Variants in TAFA2 observed in about 807,000 individuals in gnomAD.
TAFA2 encodes the protein chemokine-like protein TAFA-2.
A neutral mutation model predicts 18.8 loss-of-function variants in TAFA2; 7 were observed. The ratio of observed to expected loss-of-function variants is 0.37; its 90% CI spans 0.21 to 0.70. The LOEUF (loss-of-function observed/expected upper bound fraction) is 0.70. TAFA2 is among the 30% of genes least tolerant of loss of function. TAFA2 has a pLI of 0.53. For missense variants in TAFA2, 122 were observed against 158.1 expected, an observed-to-expected ratio of 0.77 and a Z score of 1.23; for synonymous variants, 60 against 54.2, an observed-to-expected ratio of 1.11 and a Z score of -0.47.
chr12:62,178,402 T>G (rs2062529327), intron 1 of TAFA2, among the ~76,000 whole-genome samples: 1 of 152,200 alleles, frequency 6.6e-6, no homozygotes, highest in Non-Finnish European at 1.5e-5. Flanking sequence ...TTAGAGTAGC[T>G]ATTATAGCAG....
chr12:61,987,623 T>C (rs142287594), intron 1 of TAFA2, among the ~76,000 whole-genome samples: 2 of 152,332 alleles, frequency 1.3e-5, no homozygotes, highest in African/African-American at 2.4e-5. Flanking sequence ...AGGTTAAAAA[T>C]TGTACTTCCG....
chr12:61,846,812 G>A (rs1291952152), intron 2 of TAFA2, among the ~76,000 whole-genome samples: 1 of 152,074 alleles, frequency 6.6e-6, no homozygotes, highest in South Asian at 2.1e-4. Context: ...AAAATACAAA[G>A]CGATTTCAAT....
intron 1 of TAFA2, among the ~76,000 whole-genome samples, chr12:62,163,592 G>C (rs1160197679): frequency 6.6e-6 from 1 of 152,052 alleles, no homozygotes; most frequent in Non-Finnish European, 1.5e-5. Context: ...TCATATTCAG[G>C]GAGGTGTCTT....
intron 4 of TAFA2, chr12:61,721,022 C>A (rs1042857674): frequency 8.7e-5 from 41 of 471,554 alleles, no homozygotes; most frequent in African/African-American, 5.7e-4. Flanking sequence ...CATAAAGGGA[C>A]AACAAGACAA....
chr12:61,991,413 T>C (rs973274854), intron 1 of TAFA2, among the ~76,000 whole-genome samples: 1 of 152,198 alleles, frequency 6.6e-6, no homozygotes, highest in African/African-American at 2.4e-5. Flanking sequence ...TATAAGCACA[T>C]ATGTAGGTTT....
intron 1 of TAFA2, among the ~76,000 whole-genome samples, chr12:62,059,367 G>A (rs1040794738): frequency 1.3e-5 from 2 of 151,954 alleles, no homozygotes; most frequent in Non-Finnish European, 2.9e-5. Context: ...TGCTGCTATG[G>A]AACGAGCATT....
chr12:61,739,431 A>G (rs1680319927), intron 4 of TAFA2, among the ~76,000 whole-genome samples: 1 of 152,110 alleles, frequency 6.6e-6, no homozygotes, highest in African/African-American at 2.4e-5. Flanking sequence ...ACAGTACTAC[A>G]GAAAATAATT....
chr12:61,876,845 T>C (rs982920939), intron 1 of TAFA2, among the ~76,000 whole-genome samples: 1 of 152,208 alleles, frequency 6.6e-6, no homozygotes, highest in African/African-American at 2.4e-5. Context: ...AATAATAGTT[T>C]AAGCAAAATT....
At chr12:61,773,874 CT>C (rs1870140919) in intron 2 of TAFA2, among the ~76,000 whole-genome samples, 1 of 151,960 alleles carries the variant, frequency 6.6e-6, no homozygotes, top group African/African-American at 2.4e-5. Flanking sequence ...AACTAAAAAG[CT>C]TCTGTACAGC....
At chr12:61,983,564 C>T (rs535435046) in intron 1 of TAFA2, among the ~76,000 whole-genome samples, 128 of 152,160 alleles carry the variant, frequency 8.4e-4, no homozygotes, top group African/African-American at 2.6e-3. Flanking sequence ...CGTGCCACCA[C>T]GCCCAGATAG....
intron 1 of TAFA2, among the ~76,000 whole-genome samples, chr12:62,125,472 C>T (rs911447085): frequency 1.3e-5 from 2 of 152,088 alleles, no homozygotes; most frequent in African/African-American, 2.4e-5. Flanking sequence ...CTCATCTTAC[C>T]GTCGTGAAGA....
intron 2 of TAFA2, among the ~76,000 whole-genome samples, chr12:61,830,912 C>A (rs1435682373): frequency 6.6e-6 from 1 of 151,874 alleles, no homozygotes; most frequent in Non-Finnish European, 1.5e-5. Flanking sequence ...TGAAACTTTA[C>A]CAAACATATC....
intron 1 of TAFA2, among the ~76,000 whole-genome samples, chr12:61,916,906 A>G (rs1400554720): frequency 6.6e-6 from 1 of 152,230 alleles, no homozygotes; most frequent in Non-Finnish European, 1.5e-5. Flanking sequence ...TTATGTACAG[A>G]TACTTCATGG....
At chr12:62,186,968 A>T (rs2062590523) in intron 1 of TAFA2, among the ~76,000 whole-genome samples, 1 of 152,176 alleles carries the variant, frequency 6.6e-6, no homozygotes, top group African/African-American at 2.4e-5. Context: ...TGGTATACAC[A>T]TTAGAAACAG....
intron 1 of TAFA2, among the ~76,000 whole-genome samples, chr12:62,131,646 G>A (rs1204813791): frequency 1.3e-5 from 2 of 151,854 alleles, no homozygotes; most frequent in Non-Finnish European, 2.9e-5. Flanking sequence ...TTAATTCAAG[G>A]AAACAGACAA....
rs551223452 is a variant in TAFA2 at position 61,986,158 on chromosome 12, C to CTTTTTTTTTT, written c.-1-118742_-1-118733dup. ...CTAGACATAGACAATCTAAGCTCTT[C>CTTTTTTTTTT]TTTTTTTTTTTTTTTTTTTTTTTTT... On this transcript the variant is annotated intron_variant, in intron 1 of 4. Transcript: ENST00000416284. Among the ~76,000 whole-genome samples, 14 of 65,866 alleles carry CTTTTTTTTTT rather than the reference C, an allele frequency of 2.1e-4. 1 individual carries two copies. The highest frequency in any genetic ancestry group is 4.5e-4 in the African/African-American group (7 of 15,720). 43.2% of individuals were successfully genotyped at this position (65,866 alleles called of 152,430 possible). A position where few individuals can be genotyped will look rare whatever the true frequency, so the allele number is the denominator to read the frequency against.
intron 3 of TAFA2, 137 bp downstream of exon 3, chr12:61,754,735 A>G (rs1352998585): frequency 1.1e-5 from 9 of 802,718 alleles, no homozygotes; most frequent in Non-Finnish European, 1.6e-5. Context: ...CCACCCAAAT[A>G]TTCTAGTTTC....
chr12:61,812,383 T>A (rs1337032336), intron 2 of TAFA2, among the ~76,000 whole-genome samples: 3 of 151,326 alleles, frequency 2.0e-5, no homozygotes. Flanking sequence ...GCTCCCAACA[T>A]CTGCCTTGTA....
chr12:62,170,439 T>C (rs2062469986), intron 1 of TAFA2, among the ~76,000 whole-genome samples: 1 of 152,176 alleles, frequency 6.6e-6, no homozygotes, highest in Non-Finnish European at 1.5e-5. Flanking sequence ...TTGAAACTTG[T>C]CCAACTTGTA....
Sources: gnomAD v4.1 joint callset for allele counts (sites outside exome capture counted in the v4.1 genomes callset) on GRCh38, gnomAD v4.1.1 for gene constraint, MANE v1.5 for transcripts, NCBI Gene and HGNC (gene_info 2026-07-23, HGNC 2026-07-21) for gene names.